Variants in PPP3CA observed in about 807,000 individuals in gnomAD.
PPP3CA encodes CAM-PRP catalytic subunit.
In PPP3CA, 14 loss-of-function variants were observed where a neutral mutation model predicts 66.5. The ratio of observed to expected loss-of-function variants is 0.21; its 90% confidence interval spans 0.14 to 0.33. The LOEUF (loss-of-function observed/expected upper bound fraction) is 0.33, where lower values mean the gene tolerates loss of function less well. Among genes scored for constraint, PPP3CA ranks in the 10% least tolerant of loss-of-function variants. PPP3CA has a pLI of 1.00. For synonymous variants in PPP3CA, 232 were observed against 226.2 expected (o/e 1.03, Z -0.23); for missense variants, 317 against 639.5 (o/e 0.50, Z 5.44).
At chr4:101,333,285 T>G (rs1365032264) in intron 1 of PPP3CA, among the ~76,000 whole-genome samples, 17 of 103,172 alleles carry the variant, frequency 1.6e-4, no homozygotes, top group African/African-American at 5.4e-4. Flanking sequence ...TTTTTTTTTT[T>G]TTTTTTTTTT....
chr4:101,142,696 C>T (rs1722847495), intron 2 of PPP3CA, among the ~76,000 whole-genome samples: 1 of 152,162 alleles, frequency 6.6e-6, no homozygotes, highest in Admixed American at 6.5e-5. Flanking sequence ...AGCCACTGAG[C>T]CTGGCTTCCC....
At chr4:101,278,976 A>C (rs538292100) in intron 1 of PPP3CA, among the ~76,000 whole-genome samples, 41 of 152,314 alleles carry the variant, frequency 2.7e-4, no homozygotes, top group African/African-American at 9.6e-4. Flanking sequence ...AAAACCGATC[A>C]ATTTCCCAAT....
chr4:101,231,405 T>C (rs1428722404), intron 1 of PPP3CA, among the ~76,000 whole-genome samples: 1 of 151,718 alleles, frequency 6.6e-6, no homozygotes. Context: ...AGAAATGAGA[T>C]GCTAGGGAAG....
intron 10 of PPP3CA, among the ~76,000 whole-genome samples, chr4:101,042,926 T>C (rs1195490222): frequency 6.6e-6 from 1 of 152,020 alleles, no homozygotes; most frequent in Non-Finnish European, 1.5e-5. Flanking sequence ...CATTGTCCTA[T>C]TACTACTCTA....
At chr4:101,080,833 T>C (rs1187305599) in intron 7 of PPP3CA, among the ~76,000 whole-genome samples, 1 of 152,098 alleles carries the variant, frequency 6.6e-6, no homozygotes, top group African/African-American at 2.4e-5. Flanking sequence ...AAACATACAT[T>C]CATATGTAAA....
intron 1 of PPP3CA, among the ~76,000 whole-genome samples, chr4:101,290,798 G>C (rs181730865): frequency 1.3e-5 from 2 of 152,304 alleles, no homozygotes; most frequent in Non-Finnish European, 2.9e-5. Flanking sequence ...ACCAACAACA[G>C]GGCTTGGAGG....
intron 1 of PPP3CA, among the ~76,000 whole-genome samples, chr4:101,207,500 T>C (rs1034275509): frequency 6.6e-6 from 1 of 152,196 alleles, no homozygotes; most frequent in East Asian, 1.9e-4. Flanking sequence ...TAGACACAAA[T>C]GAAAAATTTA....
At chr4:101,161,663 C>T (rs1013845306) in intron 2 of PPP3CA, among the ~76,000 whole-genome samples, 7 of 152,086 alleles carry the variant, frequency 4.6e-5, no homozygotes, top group African/African-American at 7.2e-5. Context: ...TTAACACATA[C>T]AGGTGAGAGC....
intron 2 of PPP3CA, among the ~76,000 whole-genome samples, chr4:101,169,299 A>AGAAG (rs1351218884): frequency 2.0e-5 from 3 of 152,198 alleles, no homozygotes; most frequent in African/African-American, 7.2e-5. Context: ...ACATGGATTT[A>AGAAG]GCACAGTGCG....
intron 1 of PPP3CA, among the ~76,000 whole-genome samples, chr4:101,314,432 C>T (rs571700433): frequency 1.3e-5 from 2 of 151,856 alleles, no homozygotes; most frequent in East Asian, 1.9e-4. Context: ...GGCATGGTGG[C>T]GGGCACCTGT....
At chr4:101,054,697 C>T (rs556283502) in intron 10 of PPP3CA, among the ~76,000 whole-genome samples, 1 of 151,928 alleles carries the variant, frequency 6.6e-6, no homozygotes, top group East Asian at 1.9e-4. Context: ...GTATTAGATA[C>T]GAAGAATTAT....
intron 1 of PPP3CA, among the ~76,000 whole-genome samples, chr4:101,230,349 T>G (rs376607747): frequency 6.7e-6 from 1 of 148,244 alleles, no homozygotes; most frequent in Non-Finnish European, 1.5e-5. Flanking sequence ...TTTTGTATCT[T>G]TAAAATAAAA....
intron 6 of PPP3CA, among the ~76,000 whole-genome samples, chr4:101,092,214 T>C (rs1729984904): frequency 6.6e-6 from 1 of 152,158 alleles, no homozygotes; most frequent in African/African-American, 2.4e-5. Context: ...GTCAAAGTCC[T>C]AAAAATAAAT....
At chr4:101,210,942 G>A (rs1485922305) in intron 1 of PPP3CA, among the ~76,000 whole-genome samples, 1 of 152,058 alleles carries the variant, frequency 6.6e-6, no homozygotes, top group Non-Finnish European at 1.5e-5. Flanking sequence ...AGTAAGAGTA[G>A]TAATTATAAT....
Position 101,203,523 on chromosome 4 carries a change from T to A in PPP3CA, c.59-7407A>T, listed in dbSNP as rs369798525. Among the ~76,000 whole-genome samples the A allele has an allele frequency of 7.2e-5, 11 of 152,084 alleles. No homozygotes were observed. In the East Asian group the frequency reaches 1.9e-3, roughly 27 times the overall value. ...AAAACAAACAAACAAACAAAATTAT[T>A]CTTCAACTATAAGGTATTAATAATT... On this transcript the variant is annotated intron_variant, in intron 1 of 13. Coordinates refer to ENST00000394854, the MANE Select transcript of PPP3CA (RefSeq NM_000944.5).
intron 11 of PPP3CA, among the ~76,000 whole-genome samples, chr4:101,040,198 C>T (rs1025885883): frequency 2.0e-4 from 30 of 152,030 alleles, no homozygotes; most frequent in African/African-American, 7.3e-4. Flanking sequence ...AGATATTCAA[C>T]CTACCGTGAA....
intron 2 of PPP3CA, among the ~76,000 whole-genome samples, chr4:101,175,257 T>C (rs1368466800): frequency 6.6e-6 from 1 of 152,172 alleles, no homozygotes; most frequent in Non-Finnish European, 1.5e-5. Flanking sequence ...AAGGGAAGAC[T>C]AAAGTTGACA....
intron 2 of PPP3CA, among the ~76,000 whole-genome samples, chr4:101,130,561 A>C (rs1722395998): frequency 6.6e-6 from 1 of 152,216 alleles, no homozygotes; most frequent in African/African-American, 2.4e-5. Context: ...TCTCTGCAGA[A>C]ACCCTACAAG....
chr4:101,025,503 T>C lies in PPP3CA; in HGVS notation c.*362A>G, dbSNP rs201095516. On this transcript the variant is annotated 3_prime_UTR_variant, in exon 14 of 14. Transcript: ENST00000394854. ...AAAGTTTTCATGTCCAGTAACAGAA[T>C]AAAAGGCCTTTCATTAACCTATCTA... The C allele has an allele frequency of 6.1e-6, 1 of 162,992 alleles. No individual in the cohort carries two copies. The highest frequency in any genetic ancestry group is 1.3e-5 in the Non-Finnish European group (1 of 75,068). The allele number at this position is 162,992 out of a possible 1,614,324, so 10.1% of individuals were successfully genotyped here.
Sources: gnomAD v4.1 joint callset for allele counts (sites outside exome capture counted in the v4.1 genomes callset) on GRCh38, gnomAD v4.1.1 for gene constraint, MANE v1.5 for transcripts, NCBI Gene and HGNC (gene_info 2026-07-23, HGNC 2026-07-21) for gene names.